The following PPEF1 variants were observed in gnomAD, a reference collection of about 807,000 sequenced individuals.
PPEF1 encodes serine/threonine-protein phosphatase with EF-hands 1.
Under a neutral mutation model 53.3 loss-of-function variants are expected in PPEF1, and 12 were observed. That is an observed-to-expected ratio of 0.23 (90% confidence interval 0.14 to 0.36). PPEF1 has a LOEUF of 0.36. Ranked by LOEUF, PPEF1 falls within the 10% of genes least tolerant of loss-of-function variation. The probability of loss-of-function intolerance (pLI) is 1.00; values close to 1 mark genes in which losing one functional copy is unlikely to be tolerated. For missense variants in PPEF1, 334 were observed against 490.4 expected (o/e 0.68, Z 3.01); for synonymous variants, 165 against 176.7 (o/e 0.93, Z 0.52).
intron 5 of PPEF1, among the ~76,000 whole-genome samples, chrX:18,699,812 A>C (rs1213534140): frequency 8.9e-6 from 1 of 112,340 alleles, no homozygotes; most frequent in Non-Finnish European, 1.9e-5. Flanking sequence ...AGAACCAAGG[A>C]AAAATGTTTA....
rs868256616 is a variant in PPEF1 at position 18,809,142 on chromosome X, G to T, written c.1394+2597G>T. Among the ~76,000 whole-genome samples the T allele has an allele frequency of 4.2e-5, 4 of 95,000 alleles. No homozygotes were observed. In the South Asian group the frequency reaches 1.4e-3, roughly 34 times the overall value. 82.5% of individuals were successfully genotyped at this position (95,000 alleles called of 115,157 possible). On this transcript the variant is annotated intron_variant, in intron 12 of 15. Coordinates refer to ENST00000470157, the MANE Select transcript of PPEF1 (RefSeq NM_001377996.1). ...ATCTATCTATCTATCTATCTATCTA[G>T]TAATTCCTTGATATTTGTAGGGAAT...
upstream of PPEF1, among the ~76,000 whole-genome samples, chrX:18,682,292 C>T (rs767277041): frequency 1.9e-4 from 21 of 112,726 alleles, no homozygotes; most frequent in South Asian, 3.6e-4. Context: ...GAGCCCTCCA[C>T]GTCTTCAGGT....
At chrX:18,713,420 C>CTTTTTTTTTTTTTTTTTTT (rs55997147) in intron 1 of PPEF1, among the ~76,000 whole-genome samples, 25 of 77,509 alleles carry the variant, frequency 3.2e-4, no homozygotes, top group African/African-American at 9.4e-4. Flanking sequence ...CCTTAAAATT[C>CTTTTTTTTTTTTTTTTTTT]TTTTTTTTTT....
At chrX:18,736,828 A>G (rs1213888588) in intron 3 of PPEF1, among the ~76,000 whole-genome samples, 1 of 112,103 alleles carries the variant, frequency 8.9e-6, no homozygotes, top group Admixed American at 9.5e-5. Flanking sequence ...GTCTATTCAG[A>G]GATTCAACTT....
At chrX:18,703,030 G>T (rs2044117693), upstream of PPEF1, among the ~76,000 whole-genome samples, 1 of 108,858 alleles carries the variant, frequency 9.2e-6, no homozygotes, top group South Asian at 3.8e-4. Flanking sequence ...GCTAACAGAG[G>T]GTGGGAAATG....
intron 12 of PPEF1, among the ~76,000 whole-genome samples, chrX:18,810,271 A>T: frequency 9.1e-6 from 1 of 109,833 alleles, no homozygotes; most frequent in Admixed American, 9.9e-5. Context: ...ATTTCATTAT[A>T]ATTTTTGGAT....
At position 18,827,400 on chromosome X, in the gene PPEF1, C is replaced by A; in HGVS notation, c.1875C>A (p.Ser625Arg). The change falls in exon 16 of 16, where the codon AGC (serine) becomes AGA (arginine). Residue 625 changes from serine to arginine, a missense_variant. Ser to Arg is a moderately radical substitution (Grantham distance 110). Transcript: ENST00000470157. ...TAATGGACTTGAACAAAGATGGAAG[C>A]ATTGACTTTAATGAGTTTTTAAAGG... is the stretch of plus-strand genomic sequence containing the variant. ...ANIMDLNKDG[S>R]IDFNEFLKAF... 7 of 1,209,866 alleles carry A rather than the reference C, an allele frequency of 5.8e-6. No homozygotes were observed. Among genetic ancestry groups the A allele is most frequent in the Non-Finnish European group, 7.8e-6 (7 of 893,746 alleles).
At chrX:18,825,931 T>C in intron 15 of PPEF1, 96 bp downstream of exon 15, 1 of 566,889 alleles carries the variant, frequency 1.8e-6, no homozygotes, top group Non-Finnish European at 2.7e-6. Flanking sequence ...AGCCCTATAA[T>C]TAATATGGTT....
intron 8 of PPEF1, 149 bp downstream of exon 8, chrX:18,782,551 C>A: frequency 2.3e-6 from 1 of 430,831 alleles, no homozygotes. Context: ...ACAAGCACAG[C>A]AGGAAGCCCT....
intron 6 of PPEF1, among the ~76,000 whole-genome samples, chrX:18,766,079 A>G (rs61070344): frequency 7.0e-5 from 6 of 86,155 alleles, no homozygotes; most frequent in African/African-American, 1.2e-4. Context: ...AAAAAAAAAA[A>G]AAAAAGAAAA....
chrX:18,681,332 T>C (rs1569237929), upstream of PPEF1, among the ~76,000 whole-genome samples: 1 of 112,039 alleles, frequency 8.9e-6, no homozygotes, highest in East Asian at 2.8e-4. Context: ...GTCCCCACCA[T>C]CCTCGACTGG....
intron 1 of PPEF1, among the ~76,000 whole-genome samples, chrX:18,724,362 A>G (rs1413990224): frequency 1.8e-5 from 2 of 111,968 alleles, no homozygotes; most frequent in East Asian, 5.6e-4. Flanking sequence ...GCACAAAGCA[A>G]TCACTCTGAA....
chrX:18,734,233 A>C (rs1453817623), intron 3 of PPEF1, among the ~76,000 whole-genome samples: 1 of 105,821 alleles, frequency 9.4e-6, no homozygotes, highest in Non-Finnish European at 1.9e-5. Context: ...GCACCCATTA[A>C]CTCATCATTT....
At chrX:18,809,048 G>A (rs2046743650) in intron 12 of PPEF1, among the ~76,000 whole-genome samples, 2 of 108,842 alleles carry the variant, frequency 1.8e-5, no homozygotes, top group African/African-American at 3.3e-5. Context: ...ACTGATATAC[G>A]TGTGTGGATT....
upstream of PPEF1, among the ~76,000 whole-genome samples, chrX:18,704,165 A>C (rs1052754452): frequency 4.5e-5 from 5 of 110,475 alleles, no homozygotes; most frequent in Admixed American, 3.9e-4. Flanking sequence ...GGCTCAAAGG[A>C]TCCATCTGCC....
At chrX:18,805,079 C>T (rs940944985) in intron 11 of PPEF1, among the ~76,000 whole-genome samples, 32 of 109,591 alleles carry the variant, frequency 2.9e-4, no homozygotes, top group African/African-American at 9.6e-4. Flanking sequence ...CTCCGCCTCC[C>T]GAGTTCAAGT....
At chrX:18,778,397 A>G (rs951339039) in intron 6 of PPEF1, among the ~76,000 whole-genome samples, 1 of 111,791 alleles carries the variant, frequency 8.9e-6, no homozygotes. Context: ...TGGCCCGGTC[A>G]GTGATCACTG....
chrX:18,827,574 A>T lies in PPEF1; in HGVS notation c.*87A>T. 1.3e-6 allele frequency: 1 copy of T among 756,492 alleles called. No individual in the cohort carries two copies. The highest frequency in any genetic ancestry group is 2.6e-5 in the South Asian group (1 of 38,002). 62.3% of individuals were successfully genotyped at this position (756,492 alleles called of 1,213,427 possible). A position where few individuals can be genotyped will look rare whatever the true frequency, so the allele number is the denominator to read the frequency against. Reference sequence around the variant, plus strand: ...CCTTTCCAACACCCCTGAAATTCATAGTCAGTAGCAGAGAAAAGCAGATCC... The same window carrying T: ...CCTTTCCAACACCCCTGAAATTCATTGTCAGTAGCAGAGAAAAGCAGATCC... On this transcript the variant is annotated 3_prime_UTR_variant, in exon 16 of 16. Transcript: ENST00000470157.
At chrX:18,793,931 C>T (rs1462080855) in intron 10 of PPEF1, among the ~76,000 whole-genome samples, 1 of 111,709 alleles carries the variant, frequency 9.0e-6, no homozygotes, top group East Asian at 2.8e-4. Flanking sequence ...TACAGTTTCT[C>T]CCACCACCAG....
Sources: allele counts gnomAD v4.1 joint callset (sites outside exome capture counted in the v4.1 genomes callset), GRCh38; gene constraint gnomAD v4.1.1; transcripts MANE v1.5; gene names NCBI Gene and HGNC (gene_info 2026-07-23, HGNC 2026-07-21).